CREB5: variants seen among roughly 807,000 people sequenced by gnomAD.
The protein encoded by CREB5 is cyclic AMP-responsive element-binding protein 5.
CREB5 carries 19 observed loss-of-function variants against 57.1 expected under a neutral mutation model. That is an observed-to-expected ratio of 0.33 (90% CI 0.23 to 0.49). CREB5 has a LOEUF of 0.49. Among genes scored for constraint, CREB5 ranks in the 20% least tolerant of loss-of-function variants. The probability of loss-of-function intolerance (pLI) is 0.99; values close to 1 mark genes in which losing one functional copy is unlikely to be tolerated. For missense variants in CREB5, 579 were observed against 671.6 expected (o/e 0.86, Z 1.52); for synonymous variants, 238 against 238.3 (o/e 1.00, Z 0.01).
chr7:28,649,665 T>C (rs12540689), intron 5 of CREB5, among the ~76,000 whole-genome samples: 13,533 of 152,280 alleles, frequency 0.089, 758 homozygotes, highest in South Asian at 0.16. Flanking sequence ...TTTTTCATCA[T>C]TCTCCCAATA....
At chr7:28,430,673 TAAC>T (rs113464604) in intron 1 of CREB5, among the ~76,000 whole-genome samples, 1,838 of 152,236 alleles carry the variant, frequency 0.012, 41 homozygotes, top group African/African-American at 0.042. Flanking sequence ...GCTAGCATCC[TAAC>T]AACAACAACA....
At chr7:28,420,690 C>A (rs534142997) in intron 1 of CREB5, among the ~76,000 whole-genome samples, 3 of 152,030 alleles carry the variant, frequency 2.0e-5, no homozygotes, top group South Asian at 4.2e-4. Context: ...CACCTGTAGT[C>A]CCAGCTACTC....
At chr7:28,458,273 T>A (rs1165644968) in intron 1 of CREB5, among the ~76,000 whole-genome samples, 2 of 152,140 alleles carry the variant, frequency 1.3e-5, no homozygotes, top group Admixed American at 1.3e-4. Flanking sequence ...AGGGGGATGA[T>A]GAGAAGATAT....
chr7:28,617,533 C>T (rs1170697479), intron 5 of CREB5, among the ~76,000 whole-genome samples: 1 of 152,216 alleles, frequency 6.6e-6, no homozygotes, highest in Non-Finnish European at 1.5e-5. Context: ...CCATTTGAAT[C>T]ACACTGGTTT....
chr7:28,395,132 G>A (rs984677544), intron 1 of CREB5, among the ~76,000 whole-genome samples: 6 of 152,236 alleles, frequency 3.9e-5, no homozygotes, highest in African/African-American at 1.2e-4. Context: ...TTGGAAAATT[G>A]TCTATATTAG....
chr7:28,353,733 C>T (rs11761086), intron 1 of CREB5, among the ~76,000 whole-genome samples: 54,255 of 150,884 alleles, frequency 0.36, 9,867 homozygotes, highest in Non-Finnish European at 0.39. Flanking sequence ...GTCCCAGCTA[C>T]TCGGGAGGCT....
At chr7:28,626,751 G>T (rs1033083840) in intron 5 of CREB5, among the ~76,000 whole-genome samples, 1 of 152,152 alleles carries the variant, frequency 6.6e-6, no homozygotes, top group Non-Finnish European at 1.5e-5. Flanking sequence ...GCAAGAACTT[G>T]TTCTTTCTCA....
At chr7:28,500,096 G>C (rs1387773153) in intron 3 of CREB5, among the ~76,000 whole-genome samples, 3 of 152,212 alleles carry the variant, frequency 2.0e-5, no homozygotes, top group Non-Finnish European at 4.4e-5. Context: ...TTGCTGCGTT[G>C]AACAAGACAG....
intron 9 of CREB5, among the ~76,000 whole-genome samples, chr7:28,812,249 CTT>C (rs1809160546): frequency 6.6e-6 from 1 of 152,200 alleles, no homozygotes; most frequent in Non-Finnish European, 1.5e-5. Flanking sequence ...TAAAATGAGT[CTT>C]TGCAGAATTC....
intron 1 of CREB5, among the ~76,000 whole-genome samples, chr7:28,441,339 C>G (rs192631672): frequency 6.6e-6 from 1 of 152,188 alleles, no homozygotes; most frequent in African/African-American, 2.4e-5. Flanking sequence ...GAGATCTTTA[C>G]CACTTGATAA....
At chr7:28,689,702 A>T (rs1169288441) in intron 5 of CREB5, among the ~76,000 whole-genome samples, 1 of 152,180 alleles carries the variant, frequency 6.6e-6, no homozygotes, top group Non-Finnish European at 1.5e-5. Context: ...ACTCAAGTTT[A>T]TGTTAAAATT....
At chr7:28,756,653 T>C (rs1039035801) in intron 7 of CREB5, among the ~76,000 whole-genome samples, 1 of 152,030 alleles carries the variant, frequency 6.6e-6, no homozygotes, top group Non-Finnish European at 1.5e-5. Flanking sequence ...TCCAGAAGTG[T>C]GAAGTGTTCA....
At chr7:28,659,493 G>A (rs1799506193) in intron 5 of CREB5, among the ~76,000 whole-genome samples, 1 of 152,178 alleles carries the variant, frequency 6.6e-6, no homozygotes, top group South Asian at 2.1e-4. Context: ...TGCGTGCAGA[G>A]AGCACAAAGC....
At chr7:28,693,193 C>G (rs2128731792) in intron 5 of CREB5, among the ~76,000 whole-genome samples, 1 of 152,108 alleles carries the variant, frequency 6.6e-6, no homozygotes, top group African/African-American at 2.4e-5. Context: ...TGGATGTGTC[C>G]AAAAAGCAAA....
intron 1 of CREB5, among the ~76,000 whole-genome samples, chr7:28,380,081 GTGAT>G (rs149397861): frequency 0.17 from 26,417 of 152,028 alleles, 2,652 homozygotes; most frequent in Non-Finnish European, 0.22. Context: ...AGCAATGTAG[GTGAT>G]TCTGATGCAT....
intron 5 of CREB5, among the ~76,000 whole-genome samples, chr7:28,626,530 T>C (rs1229896886): frequency 6.6e-6 from 1 of 152,222 alleles, no homozygotes; most frequent in Non-Finnish European, 1.5e-5. Context: ...AAGTGCTGTT[T>C]CTGGGATTCA....
intron 1 of CREB5, among the ~76,000 whole-genome samples, chr7:28,329,924 A>T (rs1324598453): frequency 6.6e-6 from 1 of 152,248 alleles, no homozygotes; most frequent in Non-Finnish European, 1.5e-5. Context: ...TACTTTTTAC[A>T]CTGATGGGTT....
chr7:28,615,253 C>G (rs527456869), intron 5 of CREB5: 2 of 152,342 alleles, frequency 1.3e-5, no homozygotes, highest in Admixed American at 1.3e-4. Flanking sequence ...GAGACCGCAT[C>G]AGAGGTGGCT....
intron 3 of CREB5, 142 bp from the exon 4 acceptor site, chr7:28,507,474 G>T (rs1792525852): frequency 1.9e-5 from 18 of 967,722 alleles, no homozygotes; most frequent in Non-Finnish European, 2.5e-5. Flanking sequence ...ATATCGTTAT[G>T]TTATTTAAAG....
Sources: allele counts gnomAD v4.1 joint callset (sites outside exome capture counted in the v4.1 genomes callset), GRCh38; gene constraint gnomAD v4.1.1; transcripts MANE v1.5; gene names NCBI Gene and HGNC (gene_info 2026-07-23, HGNC 2026-07-21).